Variants in B3GLCT observed in about 807,000 individuals in gnomAD.
B3GLCT encodes the protein beta-1,3-glucosyltransferase.
A neutral mutation model predicts 63.4 loss-of-function variants in B3GLCT; 65 were observed. That is an observed-to-expected ratio of 1.03 (90% CI 0.84 to 1.26). The LOEUF is 1.26. Among genes scored for constraint, B3GLCT ranks in the 50% most tolerant of loss-of-function variants. The pLI is 0.00. For synonymous variants in B3GLCT, 233 were observed against 219.2 expected (o/e 1.06, Z -0.55); for missense variants, 577 against 604.8 (o/e 0.95, Z 0.48).
At chr13:31,246,764 A>G (rs191897907) in intron 4 of B3GLCT, among the ~76,000 whole-genome samples, 22 of 152,110 alleles carry the variant, frequency 1.4e-4, no homozygotes, top group Admixed American at 8.5e-4. Flanking sequence ...CTTGAGCTCT[A>G]TTTGGGTGTG....
intron 13 of B3GLCT, among the ~76,000 whole-genome samples, chr13:31,318,903 A>G (rs1381977053): frequency 1.3e-5 from 2 of 152,218 alleles, no homozygotes; most frequent in Non-Finnish European, 2.9e-5. Context: ...TGATTTCTGC[A>G]AGAAAACCAT....
chr13:31,294,695 G>C (rs754429917), intron 12 of B3GLCT, among the ~76,000 whole-genome samples: 6 of 152,082 alleles, frequency 3.9e-5, no homozygotes, highest in Non-Finnish European at 8.8e-5. Context: ...GGTTATTCTA[G>C]TTAGCAATTC....
chr13:31,289,545 C>T (rs1873535371), intron 12 of B3GLCT, among the ~76,000 whole-genome samples: 1 of 151,754 alleles, frequency 6.6e-6, no homozygotes, highest in South Asian at 2.1e-4. Flanking sequence ...GTATAAAGGA[C>T]TAATAGTGGA....
At position 31,323,854 on chromosome 13, in the gene B3GLCT, G is replaced by A. The variant is rs1363377803; in HGVS notation, c.1288G>A (p.Gly430Ser). Residue 430 changes from glycine (G) to serine (S), a missense_variant, in exon 14 of 15, where the codon GGC becomes AGC. By Grantham distance (56) the Gly-to-Ser change is moderately conservative. Coordinates refer to ENST00000343307, the MANE Select transcript of B3GLCT (RefSeq NM_194318.4). ...DDMVLGMCFSGLGIPVTHSPL... is the reference protein window; with the variant it reads ...DDMVLGMCFSSLGIPVTHSPL... Reference sequence around the variant, plus strand: ...TATGGTCCTGGGAATGTGCTTTAGTGGCTTGGGAATCCCTGTGACACACAG... The same window carrying A: ...TATGGTCCTGGGAATGTGCTTTAGTAGCTTGGGAATCCCTGTGACACACAG... The A allele has an allele frequency of 6.2e-7, 1 of 1,614,198 alleles. No homozygotes were observed. The highest frequency in any genetic ancestry group is 1.1e-5 in the South Asian group (1 of 91,086).
chr13:31,268,246 A>T (rs751222976), intron 7 of B3GLCT, among the ~76,000 whole-genome samples: 2 of 152,126 alleles, frequency 1.3e-5, no homozygotes, highest in Non-Finnish European at 2.9e-5. Context: ...TAAATAAAAA[A>T]CCATATGGTA....
intron 4 of B3GLCT, among the ~76,000 whole-genome samples, chr13:31,237,003 G>A (rs531557260): frequency 6.6e-6 from 1 of 152,118 alleles, no homozygotes; most frequent in African/African-American, 2.4e-5. Flanking sequence ...GCCAGCTCCT[G>A]TAATCCCAGC....
intron 4 of B3GLCT, among the ~76,000 whole-genome samples, chr13:31,245,814 C>A (rs73172877): frequency 0.19 from 29,513 of 151,912 alleles, 2,925 homozygotes; most frequent in South Asian, 0.27. Flanking sequence ...ATGAAAATTA[C>A]TGCATAATTC....
chr13:31,272,938 C>A (rs772139392), intron 8 of B3GLCT, among the ~76,000 whole-genome samples: 30 of 152,016 alleles, frequency 2.0e-4, no homozygotes, highest in Non-Finnish European at 3.8e-4. Context: ...TTTAGAATTT[C>A]TTTTAGTGAG....
At chr13:31,237,172 A>G (rs1443067721) in intron 4 of B3GLCT, among the ~76,000 whole-genome samples, 2 of 152,028 alleles carry the variant, frequency 1.3e-5, no homozygotes, top group African/African-American at 2.4e-5. Context: ...CTGACAGCTA[A>G]CGTAGGGTCT....
chr13:31,259,547 T>TC lies in B3GLCT; in HGVS notation c.460-1393dup, dbSNP rs201831828. Among the ~76,000 whole-genome samples, 881 of 149,784 alleles carry TC rather than the reference T, an allele frequency of 5.9e-3. 36 individuals carry two copies. Among genetic ancestry groups the TC allele is most frequent in the Admixed American group, 0.055 (818 of 14,964 alleles). On this transcript the variant is annotated intron_variant, in intron 6 of 14. Transcript: ENST00000343307. ...GCTGCTTTCTGCTTGGTTCTTTTTT[T>TC]CCCCCCTTGGTTTTTGTGCAGCTTA...
chr13:31,228,931 A>T (rs1345257222), intron 3 of B3GLCT, among the ~76,000 whole-genome samples: 2 of 152,186 alleles, frequency 1.3e-5, no homozygotes, highest in South Asian at 4.1e-4. Context: ...GCGGGAGCAC[A>T]TTCTCAGTTT....
intron 1 of B3GLCT, among the ~76,000 whole-genome samples, chr13:31,204,092 C>T (rs977271489): frequency 3.9e-5 from 6 of 152,174 alleles, no homozygotes; most frequent in African/African-American, 1.2e-4. Flanking sequence ...GTAATGACTA[C>T]AGAATGAATC....
chr13:31,253,334 G>A (rs1205356774), intron 6 of B3GLCT, among the ~76,000 whole-genome samples: 1 of 152,068 alleles, frequency 6.6e-6, no homozygotes, highest in Non-Finnish European at 1.5e-5. Flanking sequence ...GCTCATGCCT[G>A]TAATCCTAGC....
chr13:31,324,312 G>C (rs374062966), intron 14 of B3GLCT, among the ~76,000 whole-genome samples: 12 of 152,192 alleles, frequency 7.9e-5, no homozygotes, highest in Non-Finnish European at 1.8e-4. Context: ...TACGCTATCT[G>C]TCTTTTCACT....
At chr13:31,228,393 G>A (rs1870208153) in intron 3 of B3GLCT, among the ~76,000 whole-genome samples, 1 of 152,176 alleles carries the variant, frequency 6.6e-6, no homozygotes, top group African/African-American at 2.4e-5. Flanking sequence ...AGTGAGCTAG[G>A]ACTACATAAC....
At chr13:31,211,589 GTTT>G (rs1243817859) in intron 1 of B3GLCT, among the ~76,000 whole-genome samples, 1 of 142,892 alleles carries the variant, frequency 7.0e-6, no homozygotes. Context: ...TTTGGTTTGG[GTTT>G]TTTTTTTTTT....
At chr13:31,262,085 G>C (rs1872058846) in intron 7 of B3GLCT, among the ~76,000 whole-genome samples, 2 of 152,166 alleles carry the variant, frequency 1.3e-5, no homozygotes, top group Non-Finnish European at 2.9e-5. Context: ...GGGACCATTT[G>C]AATTGAGACT....
At chr13:31,308,667 T>A (rs1353465006) in intron 12 of B3GLCT, among the ~76,000 whole-genome samples, 1 of 152,196 alleles carries the variant, frequency 6.6e-6, no homozygotes, top group Non-Finnish European at 1.5e-5. Context: ...AATTAGTTAT[T>A]CTCATAATCC....
At chr13:31,241,485 G>A (rs754357035) in intron 4 of B3GLCT, among the ~76,000 whole-genome samples, 2 of 152,208 alleles carry the variant, frequency 1.3e-5, no homozygotes, top group African/African-American at 2.4e-5. Flanking sequence ...GCCTCTCCAG[G>A]GTGTAGGTCA....
Sources: gnomAD v4.1 joint callset for allele counts (sites outside exome capture counted in the v4.1 genomes callset) on GRCh38, gnomAD v4.1.1 for gene constraint, MANE v1.5 for transcripts, NCBI Gene and HGNC (gene_info 2026-07-23, HGNC 2026-07-21) for gene names.